CACNA1C: variants seen among roughly 807,000 people sequenced by gnomAD.
CACNA1C encodes calcium voltage-gated channel subunit alpha1 C.
CACNA1C carries 30 observed loss-of-function variants against 229.0 expected under a neutral mutation model. The observed-to-expected ratio is 0.13, with a 90% CI of 0.10 to 0.18. CACNA1C has a LOEUF of 0.18. Ranked by LOEUF, CACNA1C falls within the 10% of genes least tolerant of loss-of-function variation. CACNA1C has a pLI of 1.00. For synonymous variants in CACNA1C, 1,114 were observed against 1,132.5 expected, an observed-to-expected ratio of 0.98 and a Z score of 0.33; for missense variants, 1,658 against 2,845.0, an observed-to-expected ratio of 0.58 and a Z score of 9.49.
At chr12:2,102,316 C>T (rs1267504533) in intron 1 of CACNA1C, among the ~76,000 whole-genome samples, 2 of 152,194 alleles carry the variant, frequency 1.3e-5, no homozygotes, top group Admixed American at 6.5e-5. Context: ...GATTTGAGGC[C>T]ACAGTGCTGT....
At chr12:2,254,702 G>T (rs1383865869) in intron 3 of CACNA1C, among the ~76,000 whole-genome samples, 1 of 152,188 alleles carries the variant, frequency 6.6e-6, no homozygotes, top group African/African-American at 2.4e-5. Flanking sequence ...TGTGAGATTT[G>T]CTATGGAGTC....
chr12:2,571,415 G>C (rs908772933), intron 13 of CACNA1C, among the ~76,000 whole-genome samples: 1 of 152,122 alleles, frequency 6.6e-6, no homozygotes, highest in Non-Finnish European at 1.5e-5. Flanking sequence ...TTAACTTGCA[G>C]TTTTCAATGC....
intron 3 of CACNA1C, among the ~76,000 whole-genome samples, chr12:2,444,729 G>T (rs2099261885): frequency 6.6e-6 from 1 of 152,078 alleles, no homozygotes; most frequent in African/African-American, 2.4e-5. Context: ...CCTCAGGGAG[G>T]GGGCATTGCA....
At chr12:2,626,049 G>A (rs11062286) in intron 29 of CACNA1C, among the ~76,000 whole-genome samples, 8,726 of 152,326 alleles carry the variant, frequency 0.057, 247 homozygotes, top group Middle Eastern at 0.12. Flanking sequence ...GAGAAGTTAG[G>A]TAACCTGCCT....
At chr12:2,186,426 G>A (rs2154290629) in intron 3 of CACNA1C, among the ~76,000 whole-genome samples, 1 of 152,302 alleles carries the variant, frequency 6.6e-6, no homozygotes, top group East Asian at 1.9e-4. Flanking sequence ...TGGGCAGGTG[G>A]CCGCTGAGGG....
At chr12:1,978,997 A>G (rs1004773073) in intron 1 of CACNA1C, among the ~76,000 whole-genome samples, 4 of 152,178 alleles carry the variant, frequency 2.6e-5, no homozygotes, top group Non-Finnish European at 5.9e-5. Flanking sequence ...TGCTTTGAGC[A>G]TTTGTGTAAA....
intron 1 of CACNA1C, among the ~76,000 whole-genome samples, chr12:1,986,189 G>C (rs1033012958): frequency 6.6e-6 from 1 of 152,180 alleles, no homozygotes; most frequent in African/African-American, 2.4e-5. Flanking sequence ...GGTTTATATT[G>C]TAAGTTAATT....
chr12:2,528,886 T>C (rs2099834298), intron 9 of CACNA1C, among the ~76,000 whole-genome samples: 1 of 152,164 alleles, frequency 6.6e-6, no homozygotes, highest in African/African-American at 2.4e-5. Flanking sequence ...GGATGGATGT[T>C]TGGGCCCTCT....
intron 9 of CACNA1C, among the ~76,000 whole-genome samples, chr12:2,529,015 C>T (rs1447562065): frequency 6.6e-6 from 1 of 152,164 alleles, no homozygotes; most frequent in African/African-American, 2.4e-5. Flanking sequence ...CTTAAGCAAC[C>T]ATTATCATGG....
At chr12:2,663,059 G>A (rs2095848042) in intron 34 of CACNA1C, among the ~76,000 whole-genome samples, 1 of 152,150 alleles carries the variant, frequency 6.6e-6, no homozygotes, top group African/African-American at 2.4e-5. Flanking sequence ...ATGTCTTTAT[G>A]ACCTAAAATA....
chr12:2,427,640 A>C (rs188051228), intron 3 of CACNA1C, among the ~76,000 whole-genome samples: 68 of 152,070 alleles, frequency 4.5e-4, no homozygotes, highest in African/African-American at 1.6e-3. Flanking sequence ...TTATTTTTTG[A>C]GATGGAGTTT....
At chr12:2,315,892 A>G (rs1408354207) in intron 3 of CACNA1C, among the ~76,000 whole-genome samples, 1 of 152,232 alleles carries the variant, frequency 6.6e-6, no homozygotes, top group Non-Finnish European at 1.5e-5. Flanking sequence ...CTTTTTGGTC[A>G]AAGTCTCTTA....
At chr12:2,495,198 G>A (rs200110882) in intron 7 of CACNA1C, among the ~76,000 whole-genome samples, 2 of 152,212 alleles carry the variant, frequency 1.3e-5, no homozygotes, top group East Asian at 3.8e-4. Context: ...ATTACACTTA[G>A]GGAAACTTAT....
At chr12:2,194,092 A>G (rs896141153) in intron 3 of CACNA1C, among the ~76,000 whole-genome samples, 2 of 151,872 alleles carry the variant, frequency 1.3e-5, no homozygotes, top group Non-Finnish European at 2.9e-5. Flanking sequence ...GCAGCCCAAG[A>G]TTACCTGCCC....
intron 3 of CACNA1C, among the ~76,000 whole-genome samples, chr12:2,283,636 A>AT (rs750195515): frequency 7.2e-5 from 11 of 152,208 alleles, no homozygotes; most frequent in Non-Finnish European, 1.5e-4. Context: ...TGAAATGTTT[A>AT]TTGGCACATG....
chr12:2,636,080 A>C (rs1351489290), intron 30 of CACNA1C, among the ~76,000 whole-genome samples: 1 of 152,256 alleles, frequency 6.6e-6, no homozygotes, highest in Non-Finnish European at 1.5e-5. Context: ...TGTGCCATGC[A>C]GTGCTCAGCC....
chr12:2,053,690 C>A lies in CACNA1C; in HGVS notation c.49+79C>A. On this transcript the variant is annotated intron_variant, in intron 1 of 46. Transcript: ENST00000399655. This position sits in a 1 kb window ranked among gnomAD's most constrained non-coding sequence, Gnocchi z 5.8. Reference sequence around the variant, plus strand: ...CCTGCCCTACCCGCGCTCCCCGCGGCCCCGGGGCCGGTCCCTGCGGAGTGG... The same window carrying A: ...CCTGCCCTACCCGCGCTCCCCGCGGACCCGGGGCCGGTCCCTGCGGAGTGG... The A allele has an allele frequency of 6.9e-7, 1 of 1,447,782 alleles. No homozygotes were observed. Among genetic ancestry groups the A allele is most frequent in the Admixed American group, 2.4e-5 (1 of 42,336 alleles). The allele number at this position is 1,447,782 out of a possible 1,614,324, so 89.7% of individuals were successfully genotyped here.
chr12:2,376,703 C>T (rs1245949084), intron 3 of CACNA1C, among the ~76,000 whole-genome samples: 1 of 152,140 alleles, frequency 6.6e-6, no homozygotes, highest in Admixed American at 6.5e-5. Flanking sequence ...GCAAGACCAC[C>T]CCAAGAACCC....
In CACNA1C at chr12:2,671,019, C is replaced by CT. The variant is rs201234888; in HGVS notation, c.4726+1999dup. On this transcript the variant is annotated intron_variant, in intron 38 of 46. Transcript: ENST00000399655. ...CTGACTGCCAGAAAACCAAAACACA[C>CT]TTTTTTTTTTTTTTTAAATGGAATC... Among the ~76,000 whole-genome samples, 314 of 142,664 alleles carry CT rather than the reference C, an allele frequency of 2.2e-3. 1 individual carries two copies. The highest frequency in any genetic ancestry group is 4.9e-3 in the East Asian group (24 of 4,928). 93.6% of individuals were successfully genotyped at this position (142,664 alleles called of 152,430 possible). A position where few individuals can be genotyped will look rare whatever the true frequency, so the allele number is the denominator to read the frequency against.
Sources: allele counts gnomAD v4.1 joint callset (sites outside exome capture counted in the v4.1 genomes callset), GRCh38; gene constraint gnomAD v4.1.1; non-coding constraint Gnocchi (gnomAD v3.1); transcripts MANE v1.5; gene names NCBI Gene and HGNC (gene_info 2026-07-23, HGNC 2026-07-21).